MED27: variants seen among roughly 807,000 people sequenced by gnomAD.
MED27 encodes the protein mediator of RNA polymerase II transcription subunit 27.
Under a neutral mutation model 38.2 loss-of-function variants are expected in MED27, and 30 were observed. The observed-to-expected ratio is 0.79, with a 90% CI of 0.59 to 1.07. The LOEUF is 1.07. Ranked by LOEUF, MED27 falls within the 50% of genes least tolerant of loss-of-function variation. The pLI is 0.00. For synonymous variants in MED27, 122 were observed against 153.5 expected, an observed-to-expected ratio of 0.79 and a Z score of 1.52; for missense variants, 289 against 397.5, an observed-to-expected ratio of 0.73 and a Z score of 2.32.
chr9:132,049,764 G>A (rs993714164), intron 2 of MED27, among the ~76,000 whole-genome samples: 11 of 152,106 alleles, frequency 7.2e-5, no homozygotes, highest in African/African-American at 2.4e-4. Flanking sequence ...AACTGTCTGC[G>A]AGACTGGCTC....
chr9:132,010,919 T>C (rs996889363), intron 3 of MED27, among the ~76,000 whole-genome samples: 8 of 152,116 alleles, frequency 5.3e-5, no homozygotes, highest in Non-Finnish European at 1.0e-4. Flanking sequence ...CATTAGGAGA[T>C]ATACCTAATG....
At chr9:132,050,510 C>T (rs1266723388) in intron 2 of MED27, among the ~76,000 whole-genome samples, 1 of 152,216 alleles carries the variant, frequency 6.6e-6, no homozygotes, top group Non-Finnish European at 1.5e-5. Flanking sequence ...CTGTAAAAGA[C>T]AGGGTCCAGG....
intron 3 of MED27, among the ~76,000 whole-genome samples, chr9:131,984,448 G>C (rs1673195410): frequency 6.6e-6 from 1 of 152,098 alleles, no homozygotes; most frequent in African/African-American, 2.4e-5. Context: ...TAGGCACTGG[G>C]GTTACAGCAG....
chr9:132,076,871 C>T (rs187483281), intron 2 of MED27, among the ~76,000 whole-genome samples: 4 of 152,336 alleles, frequency 2.6e-5, no homozygotes, highest in African/African-American at 9.6e-5. Context: ...CCTAGGGTCT[C>T]TGCCACAGGC....
chr9:132,078,399 T>C (rs1470646421), intron 1 of MED27, among the ~76,000 whole-genome samples: 1 of 152,096 alleles, frequency 6.6e-6, no homozygotes, highest in Non-Finnish European at 1.5e-5. Flanking sequence ...TATAATATCC[T>C]GAACATTACA....
chr9:131,869,943 T>G (rs145308807), intron 6 of MED27, among the ~76,000 whole-genome samples: 70 of 152,260 alleles, frequency 4.6e-4, no homozygotes, highest in Middle Eastern at 6.8e-3. Context: ...TCTCTCAGCA[T>G]ATCCAAACCC....
At chr9:132,059,048 C>T (rs1435453410) in intron 2 of MED27, among the ~76,000 whole-genome samples, 1 of 152,208 alleles carries the variant, frequency 6.6e-6, no homozygotes, top group Admixed American at 6.5e-5. Context: ...ACTCGGGCCC[C>T]ATTCTGAAAA....
intron 2 of MED27, among the ~76,000 whole-genome samples, chr9:132,063,568 A>C (rs1452392103): frequency 6.6e-6 from 1 of 152,236 alleles, no homozygotes; most frequent in Non-Finnish European, 1.5e-5. Context: ...TCATCCAAGC[A>C]ATTAAAATTA....
At chr9:132,004,515 C>T (rs1832313422) in intron 3 of MED27, among the ~76,000 whole-genome samples, 1 of 152,230 alleles carries the variant, frequency 6.6e-6, no homozygotes, top group South Asian at 2.1e-4. Flanking sequence ...TGCTCACAAG[C>T]CCCGGGGGCC....
At chr9:131,868,891 C>A (rs545072481) in intron 6 of MED27, 28 of 985,482 alleles carry the variant, frequency 2.8e-5, no homozygotes, top group East Asian at 1.1e-4. Flanking sequence ...AAGGGTAGCA[C>A]GAACTGAATT....
chr9:132,037,435 C>T (rs1833102624), intron 2 of MED27, among the ~76,000 whole-genome samples: 1 of 152,082 alleles, frequency 6.6e-6, no homozygotes, highest in African/African-American at 2.4e-5. Context: ...ACAGTGACTG[C>T]CCAACGCGCC....
Position 132,051,828 on chromosome 9 carries a change from T to C in MED27, c.348+25614A>G, listed in dbSNP as rs180855722. 6.6e-6 allele frequency among the ~76,000 whole-genome samples: 1 copy of C among 152,174 alleles called. No individual in the cohort carries two copies. Among genetic ancestry groups the C allele is most frequent in the Non-Finnish European group, 1.5e-5 (1 of 68,026 alleles). On this transcript the variant is annotated intron_variant, in intron 2 of 7. Coordinates refer to ENST00000292035, the MANE Select transcript of MED27 (RefSeq NM_004269.4). This position sits in a 1 kb window ranked among gnomAD's most constrained non-coding sequence, Gnocchi z 4.2. ...AGCACTGCTCTGATCCCAGAAAATA[T>C]GTCACATATCACATTAAAACCAGAA... is the stretch of plus-strand genomic sequence containing the variant.
intron 4 of MED27, among the ~76,000 whole-genome samples, chr9:131,912,275 C>A (rs1314598926): frequency 6.6e-6 from 1 of 152,186 alleles, no homozygotes; most frequent in African/African-American, 2.4e-5. Flanking sequence ...AAAAGGACTG[C>A]AACTAAGGAA....
At chr9:131,981,459 CCT>C (rs1433568330) in intron 3 of MED27, among the ~76,000 whole-genome samples, 5 of 152,288 alleles carry the variant, frequency 3.3e-5, no homozygotes, top group East Asian at 1.9e-4. Flanking sequence ...ATCCAAAATT[CCT>C]CTCTCAGTTT....
intron 4 of MED27, among the ~76,000 whole-genome samples, chr9:131,920,780 G>C (rs1830377100): frequency 6.6e-6 from 1 of 152,096 alleles, no homozygotes; most frequent in African/African-American, 2.4e-5. Flanking sequence ...TGGGCCTAGT[G>C]GTGGGGGAGA....
chr9:131,906,297 G>GTTTTT, intron 4 of MED27, among the ~76,000 whole-genome samples: 1 of 152,316 alleles, frequency 6.6e-6, no homozygotes, highest in Non-Finnish European at 1.5e-5. Context: ...GGTCCGTATG[G>GTTTTT]GGCTGTGAAG....
chr9:131,866,837 T>A (rs1258941570), intron 6 of MED27, among the ~76,000 whole-genome samples: 2 of 152,230 alleles, frequency 1.3e-5, no homozygotes, highest in African/African-American at 4.8e-5. Flanking sequence ...CAGGATGAAA[T>A]GCGAACTGTG....
intron 3 of MED27, among the ~76,000 whole-genome samples, chr9:131,956,683 T>C (rs542115814): frequency 2.0e-5 from 3 of 151,932 alleles, no homozygotes; most frequent in East Asian, 3.9e-4. Context: ...GGTTAAATTA[T>C]CTGTTATGTG....
intron 4 of MED27, among the ~76,000 whole-genome samples, chr9:131,896,021 C>A (rs1829827150): frequency 6.6e-6 from 1 of 152,096 alleles, no homozygotes; most frequent in Non-Finnish European, 1.5e-5. Context: ...GCCTCGGCCT[C>A]CCGAGTAGCT....
Sources: allele counts gnomAD v4.1 joint callset (sites outside exome capture counted in the v4.1 genomes callset), GRCh38; gene constraint gnomAD v4.1.1; non-coding constraint Gnocchi (gnomAD v3.1); transcripts MANE v1.5; gene names NCBI Gene and HGNC (gene_info 2026-07-23, HGNC 2026-07-21).